FRMD3: variants seen among roughly 807,000 people sequenced by gnomAD.
The protein encoded by FRMD3 is FERM domain containing 3, also known as FERM domain-containing protein 3.
FRMD3 carries 33 observed loss-of-function variants against 70.2 expected under a neutral mutation model. The observed-to-expected ratio is 0.47, with a 90% CI of 0.36 to 0.63. The LOEUF (loss-of-function observed/expected upper bound fraction) is 0.63. Ranked by LOEUF, FRMD3 falls within the 20% of genes least tolerant of loss-of-function variation. The probability of loss-of-function intolerance (pLI) is 0.00; values close to 1 mark genes in which losing one functional copy is unlikely to be tolerated. For missense variants in FRMD3, 632 were observed against 711.4 expected (o/e 0.89, Z 1.27); for synonymous variants, 279 against 255.9 (o/e 1.09, Z -0.86).
At chr9:83,267,781 C>T (rs561326454) in intron 13 of FRMD3, among the ~76,000 whole-genome samples, 1 of 151,982 alleles carries the variant, frequency 6.6e-6, no homozygotes, top group East Asian at 1.9e-4. Flanking sequence ...TGGGACGAAG[C>T]CTTTGGAATT....
At position 83,267,258 on chromosome 9, in the gene FRMD3, G is replaced by A. The variant is rs919435850; in HGVS notation, c.1196-18742C>T. ...ACCCACTGAATGAATCAAATGTCAG[G>A]TTCCTAATGCGGCCAACAGAAATAA... On this transcript the variant is annotated intron_variant, in intron 13 of 13. Coordinates refer to ENST00000304195, the MANE Select transcript of FRMD3 (RefSeq NM_174938.6). 17 of 1,503,876 alleles carry A rather than the reference G, an allele frequency of 1.1e-5. No individual in the cohort carries two copies. The Middle Eastern group carries it at 5.2e-4, about 46-fold the overall frequency. 93.2% of individuals were successfully genotyped at this position (1,503,876 alleles called of 1,614,324 possible).
intron 1 of FRMD3, among the ~76,000 whole-genome samples, chr9:83,394,284 C>A (rs1239331545): frequency 1.3e-5 from 2 of 152,162 alleles, no homozygotes; most frequent in Non-Finnish European, 2.9e-5. Flanking sequence ...TCTCAAAAGG[C>A]AAATTCTCTC....
At chr9:83,457,290 G>T (rs1274690012) in intron 1 of FRMD3, among the ~76,000 whole-genome samples, 1 of 152,202 alleles carries the variant, frequency 6.6e-6, no homozygotes. Context: ...CAACACTATA[G>T]ATGAGTGGCT....
Position 83,248,255 on chromosome 9 carries a change from A to G in FRMD3, c.1457T>C (p.Leu486Pro). 6.2e-7 allele frequency: 1 copy of G among 1,614,196 alleles called. No homozygotes were observed. The highest frequency in any genetic ancestry group is 8.5e-7 in the Non-Finnish European group (1 of 1,180,032). The stretch of plus-strand genomic sequence containing the variant: ...CAAAAAGGCGTTTTCATCTGCTTCC[A>G]GATCCTCAAATGAATCTGTGTCTTC... ...EREDTDSFED[L>P]EADENAFLIA... is the part of the protein sequence containing the mutation. The change falls in exon 14 of 14, where the codon CTG (leucine) becomes CCG (proline). Residue 486 changes from leucine (L) to proline (P), a missense_variant. Leu to Pro is a moderately conservative substitution (Grantham distance 98). Coordinates refer to ENST00000304195, the MANE Select transcript of FRMD3 (RefSeq NM_174938.6).
intron 12 of FRMD3, among the ~76,000 whole-genome samples, chr9:83,291,407 A>G (rs539481655): frequency 6.6e-6 from 1 of 152,134 alleles, no homozygotes; most frequent in Non-Finnish European, 1.5e-5. Flanking sequence ...CTGCAGAGAT[A>G]CTAGCTGCTT....
chr9:83,253,332 A>G (rs181435038), intron 13 of FRMD3, among the ~76,000 whole-genome samples: 2 of 152,374 alleles, frequency 1.3e-5, no homozygotes, highest in East Asian at 3.9e-4. Flanking sequence ...GAGAACAAAG[A>G]GACAATGTAC....
intron 1 of FRMD3, among the ~76,000 whole-genome samples, chr9:83,512,448 T>C (rs1255206808): frequency 6.6e-6 from 1 of 152,130 alleles, no homozygotes; most frequent in Admixed American, 6.5e-5. Context: ...GAGTATCACT[T>C]TAGAGAGAAG....
At chr9:83,538,746 C>T (rs1217221938), upstream of FRMD3, among the ~76,000 whole-genome samples, 6 of 152,224 alleles carry the variant, frequency 3.9e-5, no homozygotes, top group African/African-American at 9.6e-5. The surrounding 1 kb of genome is among the most constrained non-coding windows in gnomAD (Gnocchi z 4.7). Flanking sequence ...GTGCTCGTCC[C>T]GGCCCCGGCT....
intron 1 of FRMD3, among the ~76,000 whole-genome samples, chr9:83,530,265 G>T (rs1433120721): frequency 6.6e-5 from 10 of 152,188 alleles, no homozygotes; most frequent in African/African-American, 2.4e-4. Context: ...TCAACAAAAT[G>T]TGATATATCT....
In FRMD3 at chr9:83,309,593, G is replaced by A. The variant is rs994714649; in HGVS notation, c.869C>T (p.Thr290Ile). The A allele has an allele frequency of 6.3e-7, 1 of 1,595,752 alleles. No individual in the cohort carries two copies. Among genetic ancestry groups the A allele is most frequent in the Admixed American group, 1.7e-5 (1 of 58,682 alleles). Residue 290 changes from threonine to isoleucine, a missense_variant, in exon 10 of 14, where the codon ACA (threonine) becomes ATA (isoleucine). Thr to Ile is a moderately conservative substitution (Grantham distance 89, BLOSUM62 -1). Coordinates refer to ENST00000304195, the MANE Select transcript of FRMD3 (RefSeq NM_174938.6). ...CCAAAGATGTTTGCAGGCAGCTGGT[G>A]TTGAAGTATGGAATGCCAACATGGC... The part of the protein sequence containing the change: ...KKAMLAFHTS[T>I]PAACKHLWKC...
intron 1 of FRMD3, among the ~76,000 whole-genome samples, chr9:83,446,160 G>C (rs900714127): frequency 6.7e-6 from 1 of 149,700 alleles, no homozygotes; most frequent in Admixed American, 6.7e-5. Flanking sequence ...TATCCATATC[G>C]TGTGTATGCA....
intron 1 of FRMD3, among the ~76,000 whole-genome samples, chr9:83,489,015 T>TGTGTGC (rs539396863): frequency 0.041 from 5,322 of 131,282 alleles, 143 homozygotes; most frequent in Non-Finnish European, 0.057. Flanking sequence ...TGTGTGTGTG[T>TGTGTGC]GCTTGTGTGT....
At chr9:83,452,820 G>A (rs118010514) in intron 1 of FRMD3, among the ~76,000 whole-genome samples, 5,316 of 139,252 alleles carry the variant, frequency 0.038, 161 homozygotes, top group East Asian at 0.15. Flanking sequence ...AAGAATACTT[G>A]TGAAAGAATT....
intron 1 of FRMD3, among the ~76,000 whole-genome samples, chr9:83,496,471 T>G (rs1375204821): frequency 1.3e-5 from 2 of 152,150 alleles, no homozygotes; most frequent in Admixed American, 6.5e-5. Context: ...CCCCAATGTT[T>G]TAAAAAATCA....
chr9:83,295,597 C>T (rs1570582), intron 12 of FRMD3, among the ~76,000 whole-genome samples: 1 of 152,308 alleles, frequency 6.6e-6, no homozygotes, highest in African/African-American at 2.4e-5. Flanking sequence ...TAGATGAGTA[C>T]GCTGATGATC....
At chr9:83,430,404 A>G (rs1342798988) in intron 1 of FRMD3, among the ~76,000 whole-genome samples, 2 of 152,300 alleles carry the variant, frequency 1.3e-5, no homozygotes, top group East Asian at 3.9e-4. Context: ...ATCCCTGTAC[A>G]TGTGTATAAG....
chr9:83,407,878 TTCTCTCTC>T (rs147066768), intron 1 of FRMD3, among the ~76,000 whole-genome samples: 1 of 89,094 alleles, frequency 1.1e-5, no homozygotes, highest in South Asian at 3.8e-4. Flanking sequence ...TCTCTCATCT[TTCTCTCTC>T]TCTCTCTCTC....
At chr9:83,350,639 G>T in intron 3 of FRMD3, 15 of 329,614 alleles carry the variant, frequency 4.6e-5, no homozygotes, top group South Asian at 1.2e-4. Context: ...AAAAAAAAAA[G>T]AAAGAAAGAA....
At chr9:83,471,588 G>T (rs1828270542) in intron 1 of FRMD3, among the ~76,000 whole-genome samples, 1 of 152,190 alleles carries the variant, frequency 6.6e-6, no homozygotes. Context: ...CACAAAGGAA[G>T]AGAGAGCATC....
Sources: gnomAD v4.1 joint callset for allele counts (sites outside exome capture counted in the v4.1 genomes callset) on GRCh38, gnomAD v4.1.1 for gene constraint, Gnocchi (gnomAD v3.1) non-coding constraint, MANE v1.5 for transcripts, NCBI Gene and HGNC (gene_info 2026-07-23, HGNC 2026-07-21) for gene names.